ACO1: variants seen among roughly 807,000 people sequenced by gnomAD.
ACO1 encodes cytoplasmic aconitate hydratase.
Under a neutral mutation model 105.1 loss-of-function variants are expected in ACO1, and 78 were observed. The ratio of observed to expected loss-of-function variants is 0.74; its 90% confidence interval spans 0.62 to 0.90. The LOEUF is 0.90. ACO1 is among the 40% of genes least tolerant of loss of function. The pLI, the probability that ACO1 is intolerant of heterozygous loss-of-function variation, is 0.00. For synonymous variants in ACO1, 364 were observed against 397.4 expected, an observed-to-expected ratio of 0.92 and a Z score of 1.00; for missense variants, 965 against 1,111.1, an observed-to-expected ratio of 0.87 and a Z score of 1.87.
rs754029319 is a variant in ACO1 at position 32,419,106 on chromosome 9, AT to A, written c.729del (p.Ile243MetfsTer5). 1 of 1,610,064 alleles carries A rather than the reference AT, an allele frequency of 6.2e-7. No homozygotes were observed. The highest frequency in any genetic ancestry group is 1.3e-5 in the African/African-American group (1 of 74,706). ...AATCAGTATGGTGCTTCCTCAGGTG[AT>A]TGGCTACAGGCTGATGGGGAAGCCC... Reference protein sequence around the residue: ...QPISMVLPQVIGYRLMGKPHP... With the variant: ...QPISMVLPQVXGYRLMGKPHP... On this transcript the variant is annotated frameshift_variant, in exon 7 of 21. Coordinates refer to ENST00000309951, the MANE Select transcript of ACO1 (RefSeq NM_002197.3). LOFTEE classifies it high-confidence loss of function.
At chr9:32,406,786 T>A (rs931862548) in intron 2 of ACO1, among the ~76,000 whole-genome samples, 4 of 152,212 alleles carry the variant, frequency 2.6e-5, no homozygotes, top group Non-Finnish European at 4.4e-5. Flanking sequence ...TACCACTGAA[T>A]ATCTCTTTCT....
intron 11 of ACO1, 34 bp downstream of exon 11, chr9:32,426,031 CAT>C: frequency 6.2e-7 from 1 of 1,604,658 alleles, no homozygotes; most frequent in Middle Eastern, 1.7e-4. Context: ...CATGGTCATA[CAT>C]GTGTGTAGGT....
intron 2 of ACO1, among the ~76,000 whole-genome samples, chr9:32,405,988 A>G (rs995063337): frequency 1.3e-5 from 2 of 152,214 alleles, no homozygotes; most frequent in Non-Finnish European, 2.9e-5. Context: ...AGTCTTTTTT[A>G]TTCCAAATTC....
At chr9:32,418,927 C>A in intron 6 of ACO1, 111 bp from the exon 7 acceptor site, 3 of 1,274,684 alleles carry the variant, frequency 2.4e-6, no homozygotes, top group Non-Finnish European at 3.1e-6. Flanking sequence ...GACTCTGCAC[C>A]AATTAAACGT....
chr9:32,421,053 G>A (rs753569178), intron 8 of ACO1, 26 bp downstream of exon 8: 16 of 1,599,904 alleles, frequency 1.0e-5, no homozygotes, highest in East Asian at 4.5e-5. Flanking sequence ...TGAAAGCATC[G>A]GGCTTTTTGT....
chr9:32,449,215 G>A (rs2118589366), intron 20 of ACO1, 134 bp downstream of exon 20: 2 of 778,940 alleles, frequency 2.6e-6, no homozygotes, highest in South Asian at 1.9e-5. Context: ...AGACTTAGGA[G>A]GCCTACTAGC....
intron 12 of ACO1, among the ~76,000 whole-genome samples, chr9:32,428,692 A>C (rs1240786861): frequency 6.6e-6 from 1 of 151,978 alleles, no homozygotes; most frequent in African/African-American, 2.4e-5. Flanking sequence ...CAAAAAAACA[A>C]AATTAGCCGG....
rs1234056372 is a variant in ACO1, at chr9:32,427,568, G to A, written c.1484+132G>A. ...TTGCATAGTCGTTTATCAGTTGGTA[G>A]TTAGACTTAAACCCTTACATTCCAT... is the stretch of plus-strand genomic sequence containing the variant. On this transcript the variant is annotated intron_variant, in intron 12 of 20. Transcript: ENST00000309951. 3.8e-6 allele frequency: 5 copies of A among 1,310,302 alleles called. No homozygotes were observed. In the Admixed American group the frequency reaches 7.5e-5, roughly 20 times the overall value. 81.2% of individuals were successfully genotyped at this position (1,310,302 alleles called of 1,614,324 possible).
chr9:32,416,198 G>C (rs1469923506), intron 4 of ACO1, among the ~76,000 whole-genome samples: 1 of 151,312 alleles, frequency 6.6e-6, no homozygotes, highest in Non-Finnish European at 1.5e-5. Context: ...AGGTTCAAGT[G>C]ATTCTCCTGC....
At chr9:32,410,663 G>A (rs1453856722) in intron 4 of ACO1, among the ~76,000 whole-genome samples, 2 of 152,134 alleles carry the variant, frequency 1.3e-5, no homozygotes, top group African/African-American at 4.8e-5. Flanking sequence ...AATGAAGTCA[G>A]AAGAAACTCT....
chr9:32,420,863 G>T lies in ACO1; in HGVS notation c.806G>T (p.Arg269Leu). 3 of 1,613,212 alleles carry T rather than the reference G, an allele frequency of 1.9e-6. No homozygotes were observed. Among genetic ancestry groups the T allele is most frequent in the Non-Finnish European group, 2.5e-6 (3 of 1,179,422 alleles). ...GTTGTTTCTGCTGCTTAGCACCTCCGCCAGGTTGGGGTAGTGGGCAAATTT... is the reference window on the plus strand; with the variant it reads ...GTTGTTTCTGCTGCTTAGCACCTCCTCCAGGTTGGGGTAGTGGGCAAATTT... Reference protein sequence around the residue: ...DIVLTITKHLRQVGVVGKFVE... With the variant: ...DIVLTITKHLLQVGVVGKFVE... Residue 269 changes from arginine to leucine, a missense_variant, in exon 8 of 21, where the codon CGC (arginine) becomes CTC (leucine). Physicochemically the swap from Arg to Leu is moderately radical, Grantham distance 102. Transcript: ENST00000309951.
chr9:32,418,351 C>T lies in ACO1; in HGVS notation c.498C>T (p.Asn166=), dbSNP rs749513351. ...FLKWGSQAFH[N]MRIIPPGSGI... is the part of the protein sequence containing the mutation. ...AGTGGGGTTCCCAGGCTTTTCACAA[C>T]ATGCGGATTATTCCCCCTGGCTCAG... The change falls in exon 6 of 21, where the codon AAC becomes AAT. Residue 166 remains asparagine (N), a synonymous_variant. Transcript: ENST00000309951. 9 of 1,614,034 alleles carry T rather than the reference C, an allele frequency of 5.6e-6. No individual in the cohort carries two copies. The East Asian group carries it at 2.0e-4, about 36-fold the overall frequency.
At chr9:32,416,673 A>G (rs1356361229) in intron 4 of ACO1, among the ~76,000 whole-genome samples, 1 of 152,126 alleles carries the variant, frequency 6.6e-6, no homozygotes, top group Non-Finnish European at 1.5e-5. Flanking sequence ...CAGCTTTTGC[A>G]CCATTGCATT....
Position 32,428,735 on chromosome 9 carries a change from T to G in ACO1, c.1485-684T>G, listed in dbSNP as rs112448365. On this transcript the variant is annotated intron_variant, in intron 12 of 20. Transcript: ENST00000309951. ...GGCGGGCACCTGTAATCCCAGCTACTTGGGGGGCTGAGGCAGGAGAATGGC... is the reference window on the plus strand; with the variant it reads ...GGCGGGCACCTGTAATCCCAGCTACGTGGGGGGCTGAGGCAGGAGAATGGC... Among the ~76,000 whole-genome samples, 884 of 152,112 alleles carry G rather than the reference T, an allele frequency of 5.8e-3. 10 individuals are homozygous for G. Among genetic ancestry groups the G allele is most frequent in the African/African-American group, 0.02 (839 of 41,478 alleles).
At chr9:32,402,020 C>T (rs913987691) in intron 1 of ACO1, among the ~76,000 whole-genome samples, 5 of 152,164 alleles carry the variant, frequency 3.3e-5, no homozygotes, top group African/African-American at 1.2e-4. Context: ...ACAGTAGCTC[C>T]GTTTTTATTC....
chr9:32,416,912 G>T (rs1479106798), intron 4 of ACO1, among the ~76,000 whole-genome samples: 1 of 152,204 alleles, frequency 6.6e-6, no homozygotes, highest in Non-Finnish European at 1.5e-5. Context: ...GTGATGATAA[G>T]TTCACATGTG....
At chr9:32,402,673 A>G (rs973582508) in intron 1 of ACO1, among the ~76,000 whole-genome samples, 2 of 152,122 alleles carry the variant, frequency 1.3e-5, no homozygotes, top group African/African-American at 4.8e-5. Flanking sequence ...AGGAGGTATG[A>G]TGCCTGGATT....
chr9:32,436,521 C>T, intron 18 of ACO1, 124 bp downstream of exon 18: 9 of 1,102,268 alleles, frequency 8.2e-6, no homozygotes, highest in South Asian at 2.8e-5. Flanking sequence ...ACCCTAACTA[C>T]AGTCCTCCTT....
chr9:32,445,872 C>G (rs1822593350), intron 19 of ACO1: 1 of 151,640 alleles, frequency 6.6e-6, no homozygotes, highest in Non-Finnish European at 1.5e-5. Context: ...TCATTTTTTA[C>G]CAGTCATTCA....
Sources: allele counts gnomAD v4.1 joint callset (sites outside exome capture counted in the v4.1 genomes callset), GRCh38; gene constraint gnomAD v4.1.1; transcripts MANE v1.5; gene names NCBI Gene and HGNC (gene_info 2026-07-23, HGNC 2026-07-21).